The following MAP3K19 variants were observed in gnomAD, a reference collection of about 807,000 sequenced individuals.
MAP3K19 encodes SPS1/STE20-related protein kinase YSK4.
In MAP3K19, 91 loss-of-function variants were observed where a neutral mutation model predicts 114.4. The ratio of observed to expected loss-of-function variants is 0.80; its 90% CI spans 0.67 to 0.95. The LOEUF is 0.95. MAP3K19 is among the 40% of genes least tolerant of loss of function. The pLI, the probability that MAP3K19 is intolerant of heterozygous loss-of-function variation, is 0.00. For missense variants in MAP3K19, 1,471 were observed against 1,573.2 expected, an observed-to-expected ratio of 0.94 and a Z score of 1.10; for synonymous variants, 518 against 530.5, an observed-to-expected ratio of 0.98 and a Z score of 0.32.
intron 8 of MAP3K19, among the ~76,000 whole-genome samples, chr2:134,994,966 T>C (rs1197390682): frequency 6.6e-6 from 1 of 152,190 alleles, no homozygotes; most frequent in Non-Finnish European, 1.5e-5. Flanking sequence ...ATTCTCCGTG[T>C]ACCCTTTCTC....
At chr2:135,038,563 T>G (rs561570784) in intron 2 of MAP3K19, among the ~76,000 whole-genome samples, 134 of 152,152 alleles carry the variant, frequency 8.8e-4, no homozygotes, top group African/African-American at 3.2e-3. Flanking sequence ...GATAAAAATA[T>G]ATGCCACAAT....
chr2:135,038,712 G>A (rs1254850500), intron 2 of MAP3K19, among the ~76,000 whole-genome samples: 1 of 151,946 alleles, frequency 6.6e-6, no homozygotes, highest in African/African-American at 2.4e-5. Context: ...CAAAAAATTA[G>A]CTGGACATGG....
chr2:134,968,565 C>T (rs1484359555), intron 12 of MAP3K19, among the ~76,000 whole-genome samples: 66 of 132,500 alleles, frequency 5.0e-4, no homozygotes, highest in African/African-American at 1.1e-3. Context: ...GGGTGGCTGC[C>T]GGGCGGAGGG....
intron 12 of MAP3K19, among the ~76,000 whole-genome samples, chr2:134,968,451 C>T (rs1446144393): frequency 4.7e-5 from 7 of 149,002 alleles, no homozygotes; most frequent in Non-Finnish European, 8.9e-5. Flanking sequence ...CAGAGGCGCC[C>T]CTCACCTCCC....
intron 6 of MAP3K19, among the ~76,000 whole-genome samples, chr2:135,003,796 C>T (rs1421617608): frequency 6.6e-6 from 1 of 152,174 alleles, no homozygotes; most frequent in African/African-American, 2.4e-5. Context: ...TCAGGTGATC[C>T]GCCCACCTTG....
chr2:134,988,137 C>T lies in MAP3K19; in HGVS notation c.735G>A (p.Val245=). The T allele has an allele frequency of 6.2e-7, 1 of 1,614,006 alleles. No individual in the cohort carries two copies. The highest frequency in any genetic ancestry group is 8.5e-7 in the Non-Finnish European group (1 of 1,179,996). The change falls in exon 10 of 13, where the codon GTG becomes GTA. Residue 245 remains valine, a synonymous_variant. Coordinates refer to ENST00000392915, the MANE Select transcript of MAP3K19 (RefSeq NM_025052.5). ...ERNIPSLTSF[V]PKLSVSVRQS... ...GACGAACAGACACTGAGAGCTTAGG[C>T]ACAAAAGATGTGAGACTTGGAATGT...
At chr2:134,977,872 C>T (rs184059920) in intron 12 of MAP3K19, among the ~76,000 whole-genome samples, 4 of 152,274 alleles carry the variant, frequency 2.6e-5, no homozygotes, top group African/African-American at 9.6e-5. Flanking sequence ...TATTCTTAAC[C>T]ATTTGGCCCA....
In MAP3K19 at chr2:134,980,891, C is replaced by T. The variant is rs753213641; in HGVS notation, c.3850G>A (p.Gly1284Arg). ...AAMFYIGAHRGLMPPLPDHFS... is the reference protein window; with the variant it reads ...AAMFYIGAHRRLMPPLPDHFS... ...TGGTCTGGTAAAGGAGGCATCAGCC[C>T]TCGGTGTGCTCCGATGTAAAACATG... Residue 1284 changes from glycine (G) to arginine (R), a missense_variant, in exon 12 of 13, where the codon GGG becomes AGG. By Grantham distance (125) the Gly-to-Arg change is moderately radical (BLOSUM62 -2). Transcript: ENST00000392915. The T allele has an allele frequency of 6.2e-7, 1 of 1,614,244 alleles. No individual in the cohort carries two copies. Among genetic ancestry groups the T allele is most frequent in the South Asian group, 1.1e-5 (1 of 91,088 alleles).
chr2:135,014,401 G>A (rs1213402726), intron 5 of MAP3K19, among the ~76,000 whole-genome samples: 1 of 151,964 alleles, frequency 6.6e-6, no homozygotes, highest in African/African-American at 2.4e-5. Flanking sequence ...TGTTGTCCAG[G>A]CTCGTCTCAA....
chr2:135,002,849 A>G lies in MAP3K19; in HGVS notation c.235+2586T>C, dbSNP rs546115950. 9.2e-5 allele frequency among the ~76,000 whole-genome samples: 14 copies of G among 152,268 alleles called. No homozygotes were observed. The South Asian group carries it at 2.9e-3, about 32-fold the overall frequency. On this transcript the variant is annotated intron_variant, in intron 6 of 12. Coordinates refer to ENST00000392915, the MANE Select transcript of MAP3K19 (RefSeq NM_025052.5). ...TAGCAGCCAGTTTTGAAATGCAGTT[A>G]TGGGAATCCTTCCTGACAATCCAAC...
chr2:134,977,356 A>ATTTTG (rs1684312823), intron 12 of MAP3K19, among the ~76,000 whole-genome samples: 1 of 86,834 alleles, frequency 1.2e-5, no homozygotes, highest in South Asian at 4.6e-4. Context: ...TAATTTTTAA[A>ATTTTG]TTTTTTTTTT....
chr2:135,006,943 C>T (rs543483314), intron 5 of MAP3K19, among the ~76,000 whole-genome samples: 1 of 151,820 alleles, frequency 6.6e-6, no homozygotes, highest in Non-Finnish European at 1.5e-5. Context: ...TTTGGGAGGC[C>T]GAGATGGGTG....
rs1055890727 is a variant in MAP3K19 at position 134,986,789 on chromosome 2, T to G, written c.2083A>C (p.Arg695=). Residue 695 remains arginine, a synonymous_variant, in exon 10 of 13, where the codon AGA becomes CGA. Transcript: ENST00000392915. ...YREICSAPSG[R]RITNKCRSSH... ...GATCGACATTTATTGGTGATACGTC[T>G]GCCTGATGGAGCCGAACATATCTCA... 1 of 1,614,202 alleles carries G rather than the reference T, an allele frequency of 6.2e-7. No individual in the cohort carries two copies. Among genetic ancestry groups the G allele is most frequent in the Non-Finnish European group, 8.5e-7 (1 of 1,180,032 alleles).
chr2:135,025,382 T>C (rs866997481), intron 3 of MAP3K19, among the ~76,000 whole-genome samples: 107 of 132,442 alleles, frequency 8.1e-4, no homozygotes, highest in South Asian at 5.7e-3. Context: ...CTTTTCTTTT[T>C]TTTTTTTTTT....
rs188121852 is a variant in MAP3K19, at chr2:135,031,595, G to A, written c.-283-1095C>T. ...AGTGAAAGATTTTCCTCAGGAAAAT[G>A]ACATAATCAGGTCAGTGTTTTAGAA... On this transcript the variant is annotated intron_variant, in intron 2 of 12. Transcript: ENST00000392915. Among the ~76,000 whole-genome samples the A allele has an allele frequency of 1.5e-3, 234 of 152,312 alleles. No homozygotes were observed. In the Middle Eastern group the frequency reaches 0.017, roughly 11 times the overall value.
At position 135,019,124 on chromosome 2, in the gene MAP3K19, A is replaced by C. The variant is rs373862918; in HGVS notation, c.138+2591T>G. On this transcript the variant is annotated intron_variant, in intron 5 of 12. Coordinates refer to ENST00000392915, the MANE Select transcript of MAP3K19 (RefSeq NM_025052.5). ...AGCTCTAATTGGATTATGACTCTAA[A>C]TGTAAAATGTGAAACTATAAATCTT... Among the ~76,000 whole-genome samples the C allele has an allele frequency of 2.2e-4, 33 of 152,302 alleles. No individual in the cohort carries two copies. The South Asian group carries it at 5.8e-3, about 27-fold the overall frequency.
At chr2:134,978,018 T>A (rs920838749) in intron 12 of MAP3K19, among the ~76,000 whole-genome samples, 3 of 152,140 alleles carry the variant, frequency 2.0e-5, no homozygotes, top group Admixed American at 6.5e-5. Flanking sequence ...CTCTGTCCTC[T>A]TGTTTCTTCT....
At position 135,032,415 on chromosome 2, in the gene MAP3K19, A is replaced by G. The variant is rs531551839; in HGVS notation, c.-283-1915T>C. ...CAGTCTGTCAGTTCCTCAAATGATT[A>G]AACATAGAACTCCCCTATGATCCAG... On this transcript the variant is annotated intron_variant, in intron 2 of 12. Transcript: ENST00000392915. 3.8e-3 allele frequency among the ~76,000 whole-genome samples: 575 copies of G among 151,592 alleles called. 2 individuals are homozygous for G. The highest frequency in any genetic ancestry group is 3.8e-3 in the Non-Finnish European group (257 of 67,880).
chr2:134,979,738 A>G (rs1573929718), intron 12 of MAP3K19, among the ~76,000 whole-genome samples: 2 of 144,692 alleles, frequency 1.4e-5, no homozygotes, highest in East Asian at 2.0e-4. Context: ...CTCTGCATCT[A>G]GCAATGCCAA....
Sources: allele counts gnomAD v4.1 joint callset (sites outside exome capture counted in the v4.1 genomes callset), GRCh38; gene constraint gnomAD v4.1.1; transcripts MANE v1.5; gene names NCBI Gene and HGNC (gene_info 2026-07-23, HGNC 2026-07-21).